Variants in HNF4A observed in about 807,000 individuals in gnomAD.
The protein encoded by HNF4A is hepatocyte nuclear factor 4-alpha.
HNF4A carries 15 observed loss-of-function variants against 52.4 expected under a neutral mutation model. That is an observed-to-expected ratio of 0.29 (90% CI 0.19 to 0.44). The LOEUF (loss-of-function observed/expected upper bound fraction) is 0.44. Ranked by LOEUF, HNF4A falls within the 20% of genes least tolerant of loss-of-function variation. HNF4A has a pLI of 1.00. For missense variants in HNF4A, 479 were observed against 647.2 expected (o/e 0.74, Z 2.82); for synonymous variants, 280 against 264.4 (o/e 1.06, Z -0.57).
chr20:44,361,486 A>G (rs1772373752), intron 1 of HNF4A, among the ~76,000 whole-genome samples: 1 of 152,156 alleles, frequency 6.6e-6, no homozygotes. Flanking sequence ...TTTGTAAGGC[A>G]CTGGGGAAAC....
intron 1 of HNF4A, chr20:44,378,020 CAG>C (rs1336997858): frequency 1.3e-5 from 2 of 152,218 alleles, no homozygotes; most frequent in African/African-American, 4.8e-5. Flanking sequence ...ACAATAGTTA[CAG>C]AGTTTTGGTT....
chr20:44,388,746 G>A (rs2063265438), intron 1 of HNF4A, among the ~76,000 whole-genome samples: 1 of 152,226 alleles, frequency 6.6e-6, no homozygotes, highest in African/African-American at 2.4e-5. Context: ...AGTCTTGGCC[G>A]CCTCCTCCGG....
chr20:44,388,670 T>C (rs1349967312), intron 1 of HNF4A, among the ~76,000 whole-genome samples: 1 of 152,174 alleles, frequency 6.6e-6, no homozygotes, highest in Admixed American at 6.5e-5. Context: ...TCTAAGTTTC[T>C]GAACACCAGT....
rs756822197 is a variant in HNF4A at position 44,368,141 on chromosome 20, CATAT to C, written c.49+12305_49+12308del. Among the ~76,000 whole-genome samples the C allele has an allele frequency of 3.1e-4, 4 of 12,902 alleles. No homozygotes were observed. The Admixed American group carries it at 3.8e-3, about 12-fold the overall frequency. The allele number at this position is 12,902 out of a possible 152,430, so 8.5% of individuals were successfully genotyped here. A position where few individuals can be genotyped will look rare whatever the true frequency, so the allele number is the denominator to read the frequency against. On this transcript the variant is annotated intron_variant, in intron 1 of 9. Coordinates refer to the HNF4A transcript ENST00000316673. ...ATATATGTGTGTGTGTGTGTATATA[CATAT>C]ATATATATATATATATTTTTTTTTT...
intron 1 of HNF4A, among the ~76,000 whole-genome samples, chr20:44,382,949 G>C (rs994439094): frequency 1.3e-5 from 2 of 152,158 alleles, no homozygotes; most frequent in African/African-American, 4.8e-5. Context: ...GGGGCAGATT[G>C]CTTGAACCCA....
Position 44,401,279 on chromosome 20 carries a change from GC to G in HNF4A, c.-93del. 1 of 1,523,246 alleles carries G rather than the reference GC, an allele frequency of 6.6e-7. No individual in the cohort carries two copies. Among genetic ancestry groups the G allele is most frequent in the Non-Finnish European group, 9.0e-7 (1 of 1,109,084 alleles). The allele number at this position is 1,523,246 out of a possible 1,614,324, so 94.4% of individuals were successfully genotyped here. A position where few individuals can be genotyped will look rare whatever the true frequency, so the allele number is the denominator to read the frequency against. ...ACGGTTTGAAAGGAAGGCAGAGAGG[GC>G]ACTGGGAGGAGGCAGTGGGAGGGCG... On this transcript the variant is annotated 5_prime_UTR_variant, in exon 1 of 10. Coordinates refer to ENST00000316099, the MANE Select transcript of HNF4A (RefSeq NM_000457.6).
At chr20:44,382,188 C>T (rs186301366) in intron 1 of HNF4A, among the ~76,000 whole-genome samples, 3 of 152,200 alleles carry the variant, frequency 2.0e-5, no homozygotes, top group African/African-American at 7.2e-5. Context: ...CAGCCCAAAA[C>T]TCTTTTGGAT....
At chr20:44,362,011 C>A (rs2062922594) in intron 1 of HNF4A, among the ~76,000 whole-genome samples, 1 of 152,204 alleles carries the variant, frequency 6.6e-6, no homozygotes, top group African/African-American at 2.4e-5. Flanking sequence ...TGGCCACACA[C>A]TGCTCTGATT....
chr20:44,383,165 C>CA (rs529971961), intron 1 of HNF4A, among the ~76,000 whole-genome samples: 30 of 151,562 alleles, frequency 2.0e-4, no homozygotes, highest in African/African-American at 4.6e-4. Context: ...GACCCTGTCT[C>CA]AAAAAAAACA....
intron 1 of HNF4A, among the ~76,000 whole-genome samples, chr20:44,375,209 T>C (rs747040365): frequency 4.6e-5 from 7 of 152,216 alleles, no homozygotes; most frequent in Non-Finnish European, 5.9e-5. Context: ...TCATGTGCTC[T>C]ATCCACTTTT....
intron 1 of HNF4A, among the ~76,000 whole-genome samples, chr20:44,379,897 C>G (rs1379661993): frequency 6.6e-6 from 1 of 152,078 alleles, no homozygotes; most frequent in East Asian, 1.9e-4. Flanking sequence ...CCATGCCCGG[C>G]TAATTTTTGT....
intron 1 of HNF4A, among the ~76,000 whole-genome samples, chr20:44,404,476 G>T (rs1216292296): frequency 3.3e-5 from 5 of 152,086 alleles, no homozygotes; most frequent in Non-Finnish European, 7.4e-5. Flanking sequence ...ATACACGTGT[G>T]TGTGTGTGTG....
intron 1 of HNF4A, among the ~76,000 whole-genome samples, chr20:44,375,762 A>G (rs1454879194): frequency 6.6e-6 from 1 of 152,210 alleles, no homozygotes; most frequent in Non-Finnish European, 1.5e-5. Context: ...CACAAATTTC[A>G]TTATCCGAGA....
upstream of HNF4A, among the ~76,000 whole-genome samples, chr20:44,400,293 G>T (rs1055029673): frequency 1.3e-5 from 2 of 152,106 alleles, no homozygotes; most frequent in African/African-American, 4.8e-5. Context: ...GGTAGGAGAC[G>T]GGTGGAGAGA....
At position 44,429,594 on chromosome 20, in the gene HNF4A, G is replaced by A. The variant is rs1281910350; in HGVS notation, c.1354G>A (p.Ala452Thr). 2 of 1,614,000 alleles carry A rather than the reference G, an allele frequency of 1.2e-6. No homozygotes were observed. The highest frequency in any genetic ancestry group is 1.7e-6 in the Non-Finnish European group (2 of 1,180,000). The stretch of plus-strand genomic sequence containing the variant: ...TGAGCCCTATAAGCTCCTGCCGGGA[G>A]CCGTCGCCACAATCGTCAAGCCCCT... Residue 452 changes from alanine to threonine, a missense_variant, in exon 10 of 10, where the codon GCC becomes ACC. Ala to Thr is a moderately conservative substitution (Grantham distance 58, BLOSUM62 0). Around this residue, in one of 3 missense-constraint regions of HNF4A, gnomAD observed 389 missense variants for 525.1 expected, o/e 0.74. Coordinates refer to ENST00000316099, the MANE Select transcript of HNF4A (RefSeq NM_000457.6).
At chr20:44,393,064 A>G (rs1354099239) in intron 1 of HNF4A, among the ~76,000 whole-genome samples, 4 of 152,188 alleles carry the variant, frequency 2.6e-5, no homozygotes, top group Admixed American at 2.6e-4. Context: ...TCAGAACAAG[A>G]GTATGGGGAG....
chr20:44,373,178 T>C (rs2063051398), intron 1 of HNF4A, among the ~76,000 whole-genome samples: 1 of 152,090 alleles, frequency 6.6e-6, no homozygotes, highest in South Asian at 2.1e-4. Flanking sequence ...GAGATAGGGT[T>C]TTGCTGTGTC....
At chr20:44,373,023 A>G (rs537199677) in intron 1 of HNF4A, 2 of 152,342 alleles carry the variant, frequency 1.3e-5, no homozygotes, top group South Asian at 2.1e-4. Context: ...TAAAATAAGG[A>G]TAAGAATAGA....
chr20:44,358,808 T>A (rs1600621837), intron 1 of HNF4A, among the ~76,000 whole-genome samples: 4 of 151,994 alleles, frequency 2.6e-5, no homozygotes, highest in East Asian at 1.9e-4. Flanking sequence ...AATGGAAGGA[T>A]CCATGAGTGC....
Sources: gnomAD v4.1 joint callset for allele counts (sites outside exome capture counted in the v4.1 genomes callset) on GRCh38, gnomAD v4.1.1 for gene constraint, gnomAD v4.1.1 regional missense constraint, MANE v1.5 for transcripts, NCBI Gene and HGNC (gene_info 2026-07-23, HGNC 2026-07-21) for gene names.